Variants in CHUK observed in about 807,000 individuals in gnomAD.
CHUK encodes the protein component of inhibitor of nuclear factor kappa B kinase complex.
In CHUK, 35 loss-of-function variants were observed where a neutral mutation model predicts 104.8. The ratio of observed to expected loss-of-function variants is 0.33; its 90% confidence interval spans 0.26 to 0.44. The LOEUF is 0.44. CHUK is among the 20% of genes least tolerant of loss of function. The pLI is 1.00. For missense variants in CHUK, 663 were observed against 902.7 expected, an observed-to-expected ratio of 0.73 and a Z score of 3.40; for synonymous variants, 276 against 291.9, an observed-to-expected ratio of 0.95 and a Z score of 0.56.
chr10:100,200,671 A>G lies in CHUK; in HGVS notation c.1679T>C (p.Leu560Pro). Reference protein sequence around the residue: ...GRRQGDLMESLEQRAIDLYKQ... With the variant: ...GRRQGDLMESPEQRAIDLYKQ... ...ACCAACAACACAAGTGCATCCTTAC[A>G]GAGATTCCATCAAGTCTCCCTGACG... Residue 560 changes from leucine (L) to proline (P), a missense_variant and splice_region_variant, in exon 15 of 21, where the codon CTG becomes CCG. By Grantham distance (98) the Leu-to-Pro change is moderately conservative (BLOSUM62 -3). This residue lies in a region of CHUK where 311 missense variants were observed against 393.4 expected (regional missense o/e 0.79). Coordinates refer to ENST00000370397, the MANE Select transcript of CHUK (RefSeq NM_001278.5). The G allele has an allele frequency of 7.3e-7, 1 of 1,372,010 alleles. No homozygotes were observed. The highest frequency in any genetic ancestry group is 2.3e-5 in the East Asian group (1 of 43,744). The allele number at this position is 1,372,010 out of a possible 1,614,324, so 85.0% of individuals were successfully genotyped here. A position where few individuals can be genotyped will look rare whatever the true frequency, so the allele number is the denominator to read the frequency against.
chr10:100,192,809 A>C (rs1302277190), intron 19 of CHUK: 1 of 841,886 alleles, frequency 1.2e-6, no homozygotes, highest in Non-Finnish European at 1.4e-6. Flanking sequence ...CACTGAAAAA[A>C]GTCTAATCTT....
Position 100,194,427 on chromosome 10 carries a change from C to A in CHUK, c.1824G>T (p.Leu608Phe). ...AGGAAATGAAGCAATTTTCCTACCT[C>A]AAATGACCAAACAGCTCCTTGAGCA... ...DRVLKELFGH[L>F]SKLLGCKQKI... Residue 608 changes from leucine to phenylalanine, a missense_variant and splice_region_variant, in exon 17 of 21, where the codon TTG (leucine) becomes TTT (phenylalanine). Around this residue, in one of 5 missense-constraint regions of CHUK, gnomAD observed 311 missense variants for 393.4 expected, o/e 0.79. Coordinates refer to ENST00000370397, the MANE Select transcript of CHUK (RefSeq NM_001278.5). 6.2e-7 allele frequency: 1 copy of A among 1,608,642 alleles called. No individual in the cohort carries two copies. Among genetic ancestry groups the A allele is most frequent in the South Asian group, 1.1e-5 (1 of 90,932 alleles).
At chr10:100,209,196 T>C (rs1845663288) in intron 10 of CHUK, among the ~76,000 whole-genome samples, 2 of 152,206 alleles carry the variant, frequency 1.3e-5, no homozygotes, top group South Asian at 2.1e-4. Flanking sequence ...GCTTAGAAGA[T>C]AAATAAACTA....
chr10:100,216,474 T>C (rs1050772144), intron 9 of CHUK, among the ~76,000 whole-genome samples: 7 of 152,010 alleles, frequency 4.6e-5, no homozygotes, highest in African/African-American at 1.5e-4. Flanking sequence ...GAAGTCGAGG[T>C]AGGAGGATTA....
chr10:100,192,796 A>C (rs1350481710), intron 19 of CHUK: 6 of 899,658 alleles, frequency 6.7e-6, no homozygotes, highest in Non-Finnish European at 8.0e-6. Flanking sequence ...AACTGATTTA[A>C]AACACTGAAA....
In CHUK at chr10:100,190,444, T is replaced by C. The variant is rs140096226; in HGVS notation, c.2208+425A>G. The C allele has an allele frequency of 4.9e-5, 10 of 203,018 alleles. No homozygotes were observed. In the East Asian group the frequency reaches 7.8e-4, roughly 16 times the overall value. 12.6% of individuals were successfully genotyped at this position (203,018 alleles called of 1,614,324 possible). ...CAAGTTTTAACAAATCAGTAGTTTA[T>C]AGTAACCAAATCTTAACACACACTT... is the stretch of plus-strand genomic sequence containing the variant. On this transcript the variant is annotated intron_variant, in intron 20 of 20. Coordinates refer to ENST00000370397, the MANE Select transcript of CHUK (RefSeq NM_001278.5).
At chr10:100,197,810 C>G (rs993490457) in intron 16 of CHUK, among the ~76,000 whole-genome samples, 16 of 152,120 alleles carry the variant, frequency 1.1e-4, no homozygotes, top group African/African-American at 3.9e-4. Flanking sequence ...ATCACTTGAA[C>G]CCAGGGAGTC....
intron 14 of CHUK, among the ~76,000 whole-genome samples, chr10:100,201,136 G>GT (rs1845451512): frequency 6.6e-6 from 1 of 152,084 alleles, no homozygotes; most frequent in Non-Finnish European, 1.5e-5. Flanking sequence ...CTATGATTTT[G>GT]ACTGCCCCCT....
chr10:100,202,186 G>A (rs1589582323), intron 13 of CHUK, 37 bp from the exon 14 acceptor site: 3 of 1,414,920 alleles, frequency 2.1e-6, no homozygotes, highest in Admixed American at 3.3e-5. Flanking sequence ...CTCAGAAATA[G>A]CCATATCTTT....
At chr10:100,223,094 A>G in intron 2 of CHUK, 114 bp from the exon 3 acceptor site, 1 of 585,796 alleles carries the variant, frequency 1.7e-6, no homozygotes, top group South Asian at 2.0e-5. Context: ...GATCAGTATT[A>G]TTTATAATAT....
chr10:100,228,454 G>A (rs777339663), intron 1 of CHUK, among the ~76,000 whole-genome samples: 13 of 152,170 alleles, frequency 8.5e-5, no homozygotes, highest in Non-Finnish European at 1.2e-4. Context: ...AGGAGTTCGA[G>A]ACCAGCCTGG....
chr10:100,228,976 A>AGCGCGC (rs150099726), intron 1 of CHUK, among the ~76,000 whole-genome samples: 1 of 134,980 alleles, frequency 7.4e-6, no homozygotes, highest in South Asian at 2.5e-4. Context: ...ATGGCCTCCA[A>AGCGCGC]GCGCGCGCGC....
At chr10:100,190,788 C>A (rs1845178565) in intron 20 of CHUK, 81 bp downstream of exon 20, 3 of 830,222 alleles carry the variant, frequency 3.6e-6, no homozygotes, top group African/African-American at 1.7e-5. Context: ...ATCCCAAATG[C>A]CAGATAAGGC....
intron 16 of CHUK, 71 bp from the exon 17 acceptor site, chr10:100,194,592 T>C: frequency 1.1e-6 from 1 of 920,210 alleles, no homozygotes; most frequent in African/African-American, 1.6e-5. Context: ...AAAAAATTCC[T>C]CAAAAATCCC....
chr10:100,218,509 T>A (rs1295180285), intron 8 of CHUK, among the ~76,000 whole-genome samples: 1 of 152,200 alleles, frequency 6.6e-6, no homozygotes, highest in Non-Finnish European at 1.5e-5. Flanking sequence ...CTATTTATAT[T>A]TACTATTTAT....
At chr10:100,216,388 T>C (rs17886054) in intron 9 of CHUK, among the ~76,000 whole-genome samples, 1,798 of 152,312 alleles carry the variant, frequency 0.012, 34 homozygotes, top group African/African-American at 0.041. Flanking sequence ...GACATCCACA[T>C]GGCCTCAAGT....
chr10:100,192,487 G>A, intron 19 of CHUK: 1 of 492,500 alleles, frequency 2.0e-6, no homozygotes, highest in Non-Finnish European at 2.6e-6. Context: ...CCTGCCATGT[G>A]CTTTTCTCTC....
intron 11 of CHUK, 86 bp downstream of exon 11, chr10:100,207,144 A>G (rs757914273): frequency 9.6e-5 from 73 of 763,800 alleles, no homozygotes; most frequent in Admixed American, 9.1e-4. Context: ...ACACAACACC[A>G]AAAGTCCATT....
intron 19 of CHUK, 68 bp from the exon 20 acceptor site, chr10:100,191,036 A>G (rs1257683356): frequency 1.1e-6 from 1 of 950,618 alleles, no homozygotes; most frequent in Non-Finnish European, 1.7e-6. Flanking sequence ...TCTACTTTCT[A>G]GTCTTCTAGG....
Sources: gnomAD v4.1 joint callset for allele counts (sites outside exome capture counted in the v4.1 genomes callset) on GRCh38, gnomAD v4.1.1 for gene constraint, gnomAD v4.1.1 regional missense constraint, MANE v1.5 for transcripts, NCBI Gene and HGNC (gene_info 2026-07-23, HGNC 2026-07-21) for gene names.